Variants in GRIK2 observed in about 807,000 individuals in gnomAD.
GRIK2 encodes the protein glutamate ionotropic receptor kainate type subunit 2, also known as glutamate receptor ionotropic, kainate 2.
GRIK2 carries 32 observed loss-of-function variants against 100.3 expected under a neutral mutation model. That is an observed-to-expected ratio of 0.32 (90% CI 0.24 to 0.43). The LOEUF is 0.43. Among genes scored for constraint, GRIK2 ranks in the 20% least tolerant of loss-of-function variants. The pLI is 1.00. For synonymous variants in GRIK2, 417 were observed against 389.4 expected, an observed-to-expected ratio of 1.07 and a Z score of -0.83; for missense variants, 843 against 1,114.9, an observed-to-expected ratio of 0.76 and a Z score of 3.47.
chr6:101,944,126 C>T (rs1403659270), intron 14 of GRIK2, among the ~76,000 whole-genome samples: 3 of 152,092 alleles, frequency 2.0e-5, no homozygotes, highest in East Asian at 3.9e-4. Context: ...GCACCTACCC[C>T]TTCTCTCTCT....
At chr6:101,983,516 A>G (rs1032601684) in intron 14 of GRIK2, among the ~76,000 whole-genome samples, 4 of 151,826 alleles carry the variant, frequency 2.6e-5, no homozygotes, top group Non-Finnish European at 5.9e-5. Flanking sequence ...CTATTTTACA[A>G]ACACACTAAT....
At chr6:101,795,039 G>C (rs1458337139) in intron 7 of GRIK2, among the ~76,000 whole-genome samples, 2 of 151,804 alleles carry the variant, frequency 1.3e-5, no homozygotes, top group African/African-American at 4.8e-5. Context: ...ACTAACTTTT[G>C]TATTTTTAGT....
intron 7 of GRIK2, among the ~76,000 whole-genome samples, chr6:101,708,312 G>A (rs917153402): frequency 6.6e-6 from 1 of 151,212 alleles, no homozygotes; most frequent in Non-Finnish European, 1.5e-5. Flanking sequence ...ATGGAAATCA[G>A]CATTATTCAA....
chr6:101,964,805 C>T (rs988924094), intron 14 of GRIK2, among the ~76,000 whole-genome samples: 2 of 152,034 alleles, frequency 1.3e-5, no homozygotes, highest in Non-Finnish European at 2.9e-5. Context: ...GGATCCTAGG[C>T]AGGGAGAACA....
intron 2 of GRIK2, among the ~76,000 whole-genome samples, chr6:101,492,991 A>G (rs1582569545): frequency 6.6e-6 from 1 of 152,078 alleles, no homozygotes. Context: ...TTTTGAAATA[A>G]AAATATATAT....
chr6:101,713,812 A>G (rs1394627015), intron 7 of GRIK2, among the ~76,000 whole-genome samples: 1 of 151,800 alleles, frequency 6.6e-6, no homozygotes, highest in East Asian at 1.9e-4. Flanking sequence ...ATATCTCTAT[A>G]CTGAAGCAAA....
At position 101,690,231 on chromosome 6, in the gene GRIK2, TC is replaced by T. The variant is rs566864208; in HGVS notation, c.951+3879del. Among the ~76,000 whole-genome samples the T allele has an allele frequency of 1.6e-3, 247 of 152,190 alleles. 2 individuals are homozygous for T. Among genetic ancestry groups the T allele is most frequent in the African/African-American group, 5.4e-3 (226 of 41,514 alleles). Reference sequence around the variant, plus strand: ...TTAATTTAATTATCAGTATTTTTTTTCTTGTGCTGATAGATAATACCACATA... The same window carrying T: ...TTAATTTAATTATCAGTATTTTTTTTTTGTGCTGATAGATAATACCACATA... On this transcript the variant is annotated intron_variant, in intron 7 of 16. Transcript: ENST00000369134.
intron 2 of GRIK2, among the ~76,000 whole-genome samples, chr6:101,596,643 T>G (rs538730977): frequency 2.6e-5 from 4 of 151,766 alleles, no homozygotes; most frequent in African/African-American, 9.6e-5. Flanking sequence ...AGCACCTCAT[T>G]TACTTTTGAC....
intron 14 of GRIK2, among the ~76,000 whole-genome samples, chr6:101,991,362 A>C (rs1794364822): frequency 6.7e-6 from 1 of 149,456 alleles, no homozygotes; most frequent in Admixed American, 6.7e-5. Flanking sequence ...GGAATGTCTG[A>C]CTCCAAAGCC....
chr6:101,926,016 T>C (rs917317808), intron 13 of GRIK2, among the ~76,000 whole-genome samples: 4 of 151,134 alleles, frequency 2.6e-5, no homozygotes, highest in Non-Finnish European at 5.9e-5. Flanking sequence ...ATTATTAATA[T>C]ATATGTAAAC....
At chr6:101,921,316 T>A (rs1789477422) in intron 12 of GRIK2, among the ~76,000 whole-genome samples, 1 of 151,992 alleles carries the variant, frequency 6.6e-6, no homozygotes, top group South Asian at 2.1e-4. Context: ...TAGGACACTG[T>A]GGTATTGGAG....
chr6:101,520,294 A>G (rs1774818877), intron 2 of GRIK2, among the ~76,000 whole-genome samples: 1 of 151,258 alleles, frequency 6.6e-6, no homozygotes, highest in Non-Finnish European at 1.5e-5. Context: ...CTTAATTTTG[A>G]ATGTCTTTAT....
chr6:101,428,485 A>C (rs1000658855), intron 2 of GRIK2, among the ~76,000 whole-genome samples: 1 of 152,222 alleles, frequency 6.6e-6, no homozygotes, highest in Non-Finnish European at 1.5e-5. Context: ...TAAAAATCTT[A>C]GTAGGATTAA....
rs80118251 is a variant in GRIK2, at chr6:101,672,619, G to A, written c.542-4004G>A. Among the ~76,000 whole-genome samples, 1,446 of 151,978 alleles carry A rather than the reference G, an allele frequency of 9.5e-3. 11 individuals are homozygous for A. Among genetic ancestry groups the A allele is most frequent in the African/African-American group, 0.024 (1,008 of 41,452 alleles). On this transcript the variant is annotated intron_variant, in intron 4 of 16. Coordinates refer to ENST00000369134, the MANE Select transcript of GRIK2 (RefSeq NM_021956.5). ...TTTAGTTTCCAGGTGTACATGTGCAGGTTTGTTACATGGGTAAATTTTGTG... is the reference window on the plus strand; with the variant it reads ...TTTAGTTTCCAGGTGTACATGTGCAAGTTTGTTACATGGGTAAATTTTGTG...
At chr6:101,861,411 T>C (rs1032160141) in intron 11 of GRIK2, among the ~76,000 whole-genome samples, 3 of 152,168 alleles carry the variant, frequency 2.0e-5, no homozygotes, top group African/African-American at 7.2e-5. Flanking sequence ...GTGAGATCAG[T>C]ATTAAGTTTT....
At chr6:101,473,112 C>T (rs569661575) in intron 2 of GRIK2, among the ~76,000 whole-genome samples, 2 of 41,816 alleles carry the variant, frequency 4.8e-5, no homozygotes, top group Non-Finnish European at 5.1e-5. Flanking sequence ...TTCCTTCCTT[C>T]CTTCCTTCCT....
intron 2 of GRIK2, among the ~76,000 whole-genome samples, chr6:101,528,499 T>A (rs1172128897): frequency 2.6e-5 from 4 of 152,160 alleles, no homozygotes; most frequent in Non-Finnish European, 5.9e-5. Context: ...TTTTCAAATT[T>A]CAGGTAAGGA....
chr6:101,888,550 G>T (rs564233192), intron 11 of GRIK2, among the ~76,000 whole-genome samples: 1 of 151,776 alleles, frequency 6.6e-6, no homozygotes. Context: ...ATCTTTCTCC[G>T]TAGCCCCTCT....
chr6:101,988,144 C>T lies in GRIK2; in HGVS notation c.2086-47197C>T, dbSNP rs1430321829. On this transcript the variant is annotated intron_variant, in intron 14 of 16. Transcript: ENST00000369134. ...GTGTGTGTGTGTGTGCGCGCGCGCGCGCGCGCGCGCGTGCGCGCACATGCA... is the reference window on the plus strand; with the variant it reads ...GTGTGTGTGTGTGTGCGCGCGCGCGTGCGCGCGCGCGTGCGCGCACATGCA... Among the ~76,000 whole-genome samples the T allele has an allele frequency of 1.4e-3, 28 of 19,396 alleles. No homozygotes were observed. The South Asian group carries it at 0.023, about 16-fold the overall frequency. 12.7% of individuals were successfully genotyped at this position (19,396 alleles called of 152,430 possible).
Sources: gnomAD v4.1 joint callset for allele counts (sites outside exome capture counted in the v4.1 genomes callset) on GRCh38, gnomAD v4.1.1 for gene constraint, MANE v1.5 for transcripts, NCBI Gene and HGNC (gene_info 2026-07-23, HGNC 2026-07-21) for gene names.